The following GLIS3 variants were observed in gnomAD, a reference collection of about 807,000 sequenced individuals.
GLIS3 encodes the protein zinc finger protein GLIS3.
Under a neutral mutation model 78.6 loss-of-function variants are expected in GLIS3, and 53 were observed. That is an observed-to-expected ratio of 0.67 (90% CI 0.54 to 0.85). The LOEUF is 0.85. GLIS3 is among the 40% of genes least tolerant of loss of function. The pLI is 0.00. For missense variants in GLIS3, 1,703 were observed against 1,231.1 expected (o/e 1.38, Z -5.74); for synonymous variants, 684 against 509.9 (o/e 1.34, Z -4.60).
At chr9:4,293,639 T>C (rs574925699) in intron 1 of GLIS3, among the ~76,000 whole-genome samples, 19 of 151,846 alleles carry the variant, frequency 1.3e-4, no homozygotes, top group African/African-American at 4.1e-4. Flanking sequence ...TAACTAGCCC[T>C]GGCATCTGGT....
chr9:4,326,464 G>A (rs1817602558), intron 2 of GLIS3, among the ~76,000 whole-genome samples: 1 of 152,176 alleles, frequency 6.6e-6, no homozygotes, highest in Non-Finnish European at 1.5e-5. Context: ...AAAATACTGT[G>A]AGATTCCACT....
chr9:4,361,566 C>G, the GLIS3 span, among the ~76,000 whole-genome samples: 1 of 152,216 alleles, frequency 6.6e-6, no homozygotes, highest in Non-Finnish European at 1.5e-5. Flanking sequence ...TTAACCACTT[C>G]TCTCTGTTAC....
intron 2 of GLIS3, among the ~76,000 whole-genome samples, chr9:4,148,392 C>G (rs1054473439): frequency 3.3e-5 from 5 of 152,102 alleles, no homozygotes; most frequent in African/African-American, 7.2e-5. Context: ...TATTTCCATC[C>G]TCAAAGATCA....
intron 2 of GLIS3, among the ~76,000 whole-genome samples, chr9:4,139,484 CTAAATT>C (rs1344466187): frequency 6.6e-6 from 1 of 152,196 alleles, no homozygotes; most frequent in Admixed American, 6.5e-5. Context: ...TGATATGTCT[CTAAATT>C]ACTCAACAGA....
chr9:3,979,003 C>A (rs1196408850), intron 4 of GLIS3, among the ~76,000 whole-genome samples: 1 of 152,076 alleles, frequency 6.6e-6, no homozygotes, highest in African/African-American at 2.4e-5. Context: ...AGGTTGTATG[C>A]AAATCCTATA....
chr9:4,476,360 T>C, the GLIS3 span, among the ~76,000 whole-genome samples: 1 of 151,968 alleles, frequency 6.6e-6, no homozygotes, highest in Admixed American at 6.6e-5. Flanking sequence ...TGGGGTTTTT[T>C]TGTTTTTGTT....
the GLIS3 span, among the ~76,000 whole-genome samples, chr9:4,358,158 G>C: frequency 1.3e-5 from 2 of 152,006 alleles, no homozygotes; most frequent in African/African-American, 2.4e-5. Context: ...GTGTATGTGT[G>C]TATATATGCA....
At position 4,196,457 on chromosome 9, in the gene GLIS3, C is replaced by T. The variant is rs774030591; in HGVS notation, c.389-70516G>A. Reference sequence around the variant, plus strand: ...GCTCTTTGCGATAAATCTTGCTGCTCCTCACTATTTGGGTCCGCACTGCCT... The same window carrying T: ...GCTCTTTGCGATAAATCTTGCTGCTTCTCACTATTTGGGTCCGCACTGCCT... On this transcript the variant is annotated intron_variant, in intron 2 of 10. Transcript: ENST00000381971. Among the ~76,000 whole-genome samples, 91 of 152,338 alleles carry T rather than the reference C, an allele frequency of 6.0e-4. 1 individual carries two copies. Among genetic ancestry groups the T allele is most frequent in the Admixed American group, 1.7e-3 (26 of 15,306 alleles).
intron 2 of GLIS3, among the ~76,000 whole-genome samples, chr9:4,186,401 T>G (rs1445282890): frequency 1.3e-5 from 2 of 152,154 alleles, no homozygotes; most frequent in East Asian, 1.9e-4. Context: ...TCTATCATTG[T>G]TGGACATTTG....
rs971366562 is a variant in GLIS3, at chr9:3,977,584, G to A, written c.1711-40395C>T. On this transcript the variant is annotated intron_variant, in intron 4 of 10. Coordinates refer to ENST00000381971, the MANE Select transcript of GLIS3 (RefSeq NM_001042413.2). The surrounding 1 kb of genome is among the most constrained non-coding windows in gnomAD (Gnocchi z 4.1). Reference sequence around the variant, plus strand: ...ATGTGCTGTATGGGATGTGAGCTGGGTTTCAGATTTTCAATAACAAATCTG... The same window carrying A: ...ATGTGCTGTATGGGATGTGAGCTGGATTTCAGATTTTCAATAACAAATCTG... Among the ~76,000 whole-genome samples the A allele has an allele frequency of 6.6e-6, 1 of 152,118 alleles. No homozygotes were observed. Among genetic ancestry groups the A allele is most frequent in the Non-Finnish European group, 1.5e-5 (1 of 68,008 alleles).
the GLIS3 span, among the ~76,000 whole-genome samples, chr9:4,482,729 G>T: frequency 6.6e-6 from 1 of 152,148 alleles, no homozygotes; most frequent in Non-Finnish European, 1.5e-5. Flanking sequence ...TTGTGGCAAA[G>T]TCAAAGTCTC....
At chr9:4,459,748 G>A in the GLIS3 span, among the ~76,000 whole-genome samples, 5 of 152,150 alleles carry the variant, frequency 3.3e-5, no homozygotes, top group African/African-American at 1.2e-4. Context: ...GCCCATGGCT[G>A]CAGTCAGCCA....
At chr9:4,414,097 G>A in the GLIS3 span, among the ~76,000 whole-genome samples, 1 of 152,074 alleles carries the variant, frequency 6.6e-6, no homozygotes, top group Non-Finnish European at 1.5e-5. Context: ...GGAATGTGAA[G>A]CTGGCAAAAT....
chr9:4,472,031 G>T, the GLIS3 span, among the ~76,000 whole-genome samples: 2 of 152,230 alleles, frequency 1.3e-5, no homozygotes, highest in Non-Finnish European at 2.9e-5. Context: ...GGTCATCAGA[G>T]AAATGCAAAT....
chr9:4,353,740 GC>G, the GLIS3 span, among the ~76,000 whole-genome samples: 5 of 152,240 alleles, frequency 3.3e-5, no homozygotes, highest in South Asian at 1.0e-3. Context: ...TTTTCTGGGG[GC>G]CTCCTTATCC....
the GLIS3 span, among the ~76,000 whole-genome samples, chr9:4,449,110 C>T: frequency 1.1e-4 from 16 of 152,144 alleles, no homozygotes; most frequent in Non-Finnish European, 1.5e-4. Flanking sequence ...CGGGACACTC[C>T]CACCCAAATA....
intron 6 of GLIS3, among the ~76,000 whole-genome samples, chr9:3,917,208 A>G (rs1182671681): frequency 6.6e-6 from 1 of 152,238 alleles, no homozygotes; most frequent in Non-Finnish European, 1.5e-5. Context: ...ATAACAATGT[A>G]AATATCATTG....
chr9:4,384,990 C>A, the GLIS3 span, among the ~76,000 whole-genome samples: 2 of 152,218 alleles, frequency 1.3e-5, no homozygotes, highest in African/African-American at 4.8e-5. Flanking sequence ...TGTTGCCCAA[C>A]AGAGGCGCAG....
At chr9:4,444,227 C>A in the GLIS3 span, among the ~76,000 whole-genome samples, 1 of 152,162 alleles carries the variant, frequency 6.6e-6, no homozygotes, top group Admixed American at 6.5e-5. Context: ...GGCTCTTCTG[C>A]AAAATAAGAT....
Sources: allele counts gnomAD v4.1 joint callset (sites outside exome capture counted in the v4.1 genomes callset), GRCh38; gene constraint gnomAD v4.1.1; non-coding constraint Gnocchi (gnomAD v3.1); transcripts MANE v1.5; gene names NCBI Gene and HGNC (gene_info 2026-07-23, HGNC 2026-07-21).